DDX43: variants seen among roughly 807,000 people sequenced by gnomAD.
The protein encoded by DDX43 is probable ATP-dependent RNA helicase DDX43.
DDX43 carries 50 observed loss-of-function variants against 84.9 expected under a neutral mutation model. The ratio of observed to expected loss-of-function variants is 0.59; its 90% CI spans 0.47 to 0.75. The LOEUF (loss-of-function observed/expected upper bound fraction) is 0.75. Among genes scored for constraint, DDX43 ranks in the 30% least tolerant of loss-of-function variants. The probability of loss-of-function intolerance (pLI) is 0.00; values close to 1 mark genes in which losing one functional copy is unlikely to be tolerated. For synonymous variants in DDX43, 291 were observed against 266.3 expected (o/e 1.09, Z -0.90); for missense variants, 689 against 798.6 (o/e 0.86, Z 1.65).
At chr6:73,411,277 A>G (rs1352370167) in intron 10 of DDX43, among the ~76,000 whole-genome samples, 1 of 151,082 alleles carries the variant, frequency 6.6e-6, no homozygotes, top group Non-Finnish European at 1.5e-5. Flanking sequence ...TATAAAGGCC[A>G]GGAGATAAAA....
chr6:73,411,045 G>A (rs972918267), intron 10 of DDX43, among the ~76,000 whole-genome samples: 3 of 151,568 alleles, frequency 2.0e-5, no homozygotes, highest in Admixed American at 6.6e-5. Context: ...GAGTGGTGGC[G>A]GGCGCCTATA....
chr6:73,415,651 A>G (rs1430596121), intron 15 of DDX43, 67 bp downstream of exon 15: 16 of 1,121,358 alleles, frequency 1.4e-5, no homozygotes, highest in Middle Eastern at 2.0e-4. Context: ...GCCGGGTACT[A>G]TGGCTTGCTA....
chr6:73,405,867 A>C, intron 6 of DDX43, 32 bp downstream of exon 6: 1 of 1,599,308 alleles, frequency 6.3e-7, no homozygotes. Context: ...TATTTCACTC[A>C]ATGTTTTTCT....
intron 10 of DDX43, among the ~76,000 whole-genome samples, chr6:73,411,758 C>T (rs1437849874): frequency 6.6e-6 from 1 of 152,160 alleles, no homozygotes; most frequent in Non-Finnish European, 1.5e-5. Context: ...AGTATAGTGG[C>T]ACAATCTTGG....
rs778265887 is a variant in DDX43, at chr6:73,401,907, A to G, written c.485A>G (p.Asn162Ser). 12 of 1,613,994 alleles carry G rather than the reference A, an allele frequency of 7.4e-6. No individual in the cohort carries two copies. Among genetic ancestry groups the G allele is most frequent in the South Asian group, 5.5e-5 (5 of 91,078 alleles). Residue 162 changes from asparagine (N) to serine (S), a missense_variant, in exon 4 of 17, where the codon AAT becomes AGT. Physicochemically the swap from Asn to Ser is conservative, Grantham distance 46. Transcript: ENST00000370336. ...GGAAAAGATGGAAGCACAGATAACA[A>G]TGTTGTTGCAGGAGATCGGCCATTG... Reference protein sequence around the residue: ...SVGKDGSTDNNVVAGDRPLID... With the variant: ...SVGKDGSTDNSVVAGDRPLID...
intron 10 of DDX43, among the ~76,000 whole-genome samples, chr6:73,410,142 A>G (rs893307354): frequency 1.3e-5 from 2 of 152,186 alleles, no homozygotes; most frequent in Admixed American, 6.6e-5. Flanking sequence ...TTTTATTACA[A>G]ATAACCTTCC....
In DDX43 at chr6:73,400,411, T is replaced by C. The variant is rs759816988; in HGVS notation, c.436+48T>C. ...ACCCCTTTAAAAGTTTTTAATTTCA[T>C]TCAGTGTTATAAGCCATTATACCTG... On this transcript the variant is annotated intron_variant, in intron 3 of 16. Coordinates refer to ENST00000370336, the MANE Select transcript of DDX43 (RefSeq NM_018665.3). 6 of 1,535,252 alleles carry C rather than the reference T, an allele frequency of 3.9e-6. No homozygotes were observed. The African/African-American group carries it at 6.9e-5, about 18-fold the overall frequency.
intron 9 of DDX43, 56 bp from the exon 10 acceptor site, chr6:73,409,192 G>A: frequency 7.9e-7 from 1 of 1,272,466 alleles, no homozygotes; most frequent in Non-Finnish European, 1.1e-6. Flanking sequence ...GAAAGCATAT[G>A]TATTATTACC....
chr6:73,397,222 C>T (rs1414948972), intron 1 of DDX43, among the ~76,000 whole-genome samples: 1 of 152,058 alleles, frequency 6.6e-6, no homozygotes, highest in Admixed American at 6.6e-5. Context: ...CACTTTTTTT[C>T]TGTTTTTGAT....
intron 16 of DDX43, among the ~76,000 whole-genome samples, chr6:73,416,830 G>A (rs1769913214): frequency 6.6e-6 from 1 of 152,152 alleles, no homozygotes; most frequent in Non-Finnish European, 1.5e-5. Context: ...CTTGAGGTTA[G>A]GAGTTTGAGA....
At chr6:73,404,573 C>A in intron 4 of DDX43, 117 bp from the exon 5 acceptor site, 1 of 822,382 alleles carries the variant, frequency 1.2e-6, no homozygotes, top group Non-Finnish European at 2.0e-6. Flanking sequence ...AAGTGTAGAA[C>A]TATCAAATGG....
chr6:73,402,591 A>AT, intron 4 of DDX43, among the ~76,000 whole-genome samples: 1 of 151,864 alleles, frequency 6.6e-6, no homozygotes, highest in African/African-American at 2.4e-5. Context: ...ATTTTATTTT[A>AT]TTTTTTGAGG....
In DDX43 at chr6:73,396,033, G is replaced by T. The variant is rs575606208; in HGVS notation, c.250+878G>T. Among the ~76,000 whole-genome samples the T allele has an allele frequency of 2.2e-4, 34 of 151,348 alleles. No individual in the cohort carries two copies. The South Asian group carries it at 6.7e-3, about 30-fold the overall frequency. On this transcript the variant is annotated intron_variant, in intron 1 of 16. Coordinates refer to ENST00000370336, the MANE Select transcript of DDX43 (RefSeq NM_018665.3). ...TGGAGTGCAGTGTGGCGTGATCTCGGCTCACTACAACTTCCACCTCCCGGG... is the reference window on the plus strand; with the variant it reads ...TGGAGTGCAGTGTGGCGTGATCTCGTCTCACTACAACTTCCACCTCCCGGG...
chr6:73,412,912 A>G (rs530085925), intron 11 of DDX43, among the ~76,000 whole-genome samples: 1 of 152,112 alleles, frequency 6.6e-6, no homozygotes, highest in Non-Finnish European at 1.5e-5. Flanking sequence ...GTATTTTAGT[A>G]GAGACAGGGT....
intron 2 of DDX43, among the ~76,000 whole-genome samples, chr6:73,399,181 A>G (rs1448197366): frequency 1.3e-5 from 2 of 152,106 alleles, no homozygotes; most frequent in Non-Finnish European, 2.9e-5. Flanking sequence ...TCCTGACCTC[A>G]AATAATCCAC....
intron 13 of DDX43, 138 bp from the exon 14 acceptor site, chr6:73,414,410 C>A: frequency 1.2e-6 from 1 of 814,012 alleles, no homozygotes; most frequent in Non-Finnish European, 1.9e-6. Context: ...AGTTACTTTT[C>A]CATTTTCACA....
rs1769853448 is a variant in DDX43, at chr6:73,413,950, G to C, written c.1497-20G>C. 1.3e-6 allele frequency: 2 copies of C among 1,574,816 alleles called. No individual in the cohort carries two copies. The highest frequency in any genetic ancestry group is 2.7e-5 in the African/African-American group (2 of 73,976). On this transcript the variant is annotated intron_variant, in intron 12 of 16. Transcript: ENST00000370336. Reference sequence around the variant, plus strand: ...ATTAGAATAAGCACCTAAGAATGCTGAGTTTATCTTTTGCTTCAGTGCGGA... The same window carrying C: ...ATTAGAATAAGCACCTAAGAATGCTCAGTTTATCTTTTGCTTCAGTGCGGA...
intron 3 of DDX43, 82 bp downstream of exon 3, chr6:73,400,445 TTC>T (rs1187163615): frequency 7.7e-7 from 1 of 1,294,886 alleles, no homozygotes; most frequent in Admixed American, 2.8e-5. Flanking sequence ...TGATTTCACT[TTC>T]TGATTCAAAG....
At chr6:73,395,693 A>G (rs1156766978) in intron 1 of DDX43, among the ~76,000 whole-genome samples, 1 of 151,984 alleles carries the variant, frequency 6.6e-6, no homozygotes, top group African/African-American at 2.4e-5. Flanking sequence ...AGCAACTCCT[A>G]GAAGACTTAT....
Sources: allele counts gnomAD v4.1 joint callset (sites outside exome capture counted in the v4.1 genomes callset), GRCh38; gene constraint gnomAD v4.1.1; transcripts MANE v1.5; gene names NCBI Gene and HGNC (gene_info 2026-07-23, HGNC 2026-07-21).